LPP: variants seen among roughly 807,000 people sequenced by gnomAD.
The protein encoded by LPP is lipoma-preferred partner.
In LPP, 38 loss-of-function variants were observed where a neutral mutation model predicts 60.4. The ratio of observed to expected loss-of-function variants is 0.63; its 90% confidence interval spans 0.49 to 0.83. The LOEUF (loss-of-function observed/expected upper bound fraction) is 0.83. Among genes scored for constraint, LPP ranks in the 40% least tolerant of loss-of-function variants. The pLI is 0.00. For missense variants in LPP, 902 were observed against 783.6 expected (o/e 1.15, Z -1.80); for synonymous variants, 328 against 290.8 (o/e 1.13, Z -1.30).
Position 188,885,917 on chromosome 3 carries a change from C to A in LPP, c.*11438C>A, listed in dbSNP as rs1183271566. On this transcript the variant is annotated 3_prime_UTR_variant, in exon 12 of 12. Transcript: ENST00000617246. ...ATGGTGAGCATTTTTTCATGTGTTT[C>A]TTGGCTGCATAAATGTCTTCTTTTG... 6.6e-6 allele frequency: 1 copy of A among 152,058 alleles called. No homozygotes were observed. The highest frequency in any genetic ancestry group is 2.1e-4 in the South Asian group (1 of 4,822). 9.4% of individuals were successfully genotyped at this position (152,058 alleles called of 1,614,324 possible).
At chr3:188,756,404 T>C (rs1308365208) in intron 8 of LPP, among the ~76,000 whole-genome samples, 1 of 152,178 alleles carries the variant, frequency 6.6e-6, no homozygotes, top group Admixed American at 6.5e-5. Context: ...GCTAATCAGC[T>C]GTGTTTCCTT....
chr3:188,434,557 A>G (rs941427732), intron 4 of LPP, among the ~76,000 whole-genome samples: 7 of 152,346 alleles, frequency 4.6e-5, no homozygotes, highest in South Asian at 2.1e-4. Flanking sequence ...GATGTTCAGA[A>G]TAACAGCTAT....
chr3:188,483,530 A>G (rs536096196), intron 4 of LPP, among the ~76,000 whole-genome samples: 14 of 152,344 alleles, frequency 9.2e-5, no homozygotes, highest in African/African-American at 3.1e-4. Context: ...ACAAATAAAG[A>G]ACAGGTTAAA....
At chr3:188,578,239 T>A (rs1835223407) in intron 6 of LPP, among the ~76,000 whole-genome samples, 1 of 152,150 alleles carries the variant, frequency 6.6e-6, no homozygotes, top group African/African-American at 2.4e-5. Context: ...CCTTCCTTCC[T>A]TTCATTCCCT....
intron 8 of LPP, among the ~76,000 whole-genome samples, chr3:188,725,677 A>G (rs144604754): frequency 1.4e-3 from 206 of 152,322 alleles, no homozygotes; most frequent in African/African-American, 4.8e-3. Flanking sequence ...ATGCCAGACA[A>G]TTGTTCCAAG....
In LPP at chr3:188,663,831, G is replaced by A. The variant is rs147813423; in HGVS notation, c.1114-44436G>A. On this transcript the variant is annotated intron_variant, in intron 7 of 11. Coordinates refer to ENST00000617246, the MANE Select transcript of LPP (RefSeq NM_001375462.1). ...TATCGGCATTAGAGTCTCATAAGGG[G>A]CATGCAAACTAGGTCCCTTACATGC... Among the ~76,000 whole-genome samples the A allele has an allele frequency of 4.6e-3, 693 of 152,202 alleles. 4 individuals are homozygous for A. The highest frequency in any genetic ancestry group is 0.016 in the African/African-American group (665 of 41,520).
At position 188,213,849 on chromosome 3, in the gene LPP, G is replaced by A. The variant is rs73887387; in HGVS notation, c.-189-11556G>A. 9.2e-3 allele frequency among the ~76,000 whole-genome samples: 1,393 copies of A among 152,060 alleles called. 23 individuals carry two copies. Among genetic ancestry groups the A allele is most frequent in the African/African-American group, 0.032 (1,327 of 41,466 alleles). The stretch of plus-strand genomic sequence containing the variant: ...GTGAAAATTATGCAATTTTCCCTGA[G>A]AGAAATTCAGCAAGGCTTCCCATCT... On this transcript the variant is annotated intron_variant, in intron 1 of 11. Transcript: ENST00000617246.
intron 2 of LPP, among the ~76,000 whole-genome samples, chr3:188,329,496 A>C (rs893808001): frequency 3.9e-5 from 6 of 152,186 alleles, no homozygotes; most frequent in Non-Finnish European, 5.9e-5. Context: ...ATCAAAAAAC[A>C]TGAAACCCAA....
intron 1 of LPP, among the ~76,000 whole-genome samples, chr3:188,156,343 A>T (rs1385693793): frequency 6.6e-6 from 1 of 152,190 alleles, no homozygotes; most frequent in Non-Finnish European, 1.5e-5. Flanking sequence ...TGGTGAAGAC[A>T]GTTCCAGGAA....
chr3:188,167,482 C>T (rs766646225), intron 1 of LPP, among the ~76,000 whole-genome samples: 43 of 149,796 alleles, frequency 2.9e-4, no homozygotes, highest in African/African-American at 7.6e-4. Context: ...GCCTGGGCAA[C>T]GGAGCAAGAC....
chr3:188,780,963 G>T (rs1284944631), intron 9 of LPP, among the ~76,000 whole-genome samples: 6 of 152,194 alleles, frequency 3.9e-5, no homozygotes, highest in African/African-American at 1.4e-4. Context: ...TCCTCATCAA[G>T]TTGTACTTAG....
At chr3:188,378,362 A>G (rs2090915) in intron 3 of LPP, among the ~76,000 whole-genome samples, 132,673 of 152,186 alleles carry the variant, frequency 0.87, 59,486 homozygotes, top group Non-Finnish European at 0.97. Context: ...CACCGAGTTC[A>G]AGCTTCCTGG....
intron 6 of LPP, among the ~76,000 whole-genome samples, chr3:188,581,244 C>A (rs1836014124): frequency 6.6e-6 from 1 of 151,826 alleles, no homozygotes; most frequent in Non-Finnish European, 1.5e-5. Context: ...ATGAGAATGC[C>A]AGCATTGTCG....
intron 1 of LPP, among the ~76,000 whole-genome samples, chr3:188,209,947 G>T (rs1734255119): frequency 6.6e-6 from 1 of 152,096 alleles, no homozygotes; most frequent in Admixed American, 6.6e-5. Context: ...GTGTGATGTG[G>T]TCAGGAGAAC....
chr3:188,369,834 C>T (rs1467461061), intron 3 of LPP, among the ~76,000 whole-genome samples: 1 of 152,156 alleles, frequency 6.6e-6, no homozygotes, highest in African/African-American at 2.4e-5. Flanking sequence ...GTAAAAGAAT[C>T]ACAGACTCAG....
chr3:188,418,878 C>T (rs1040528819), intron 4 of LPP, among the ~76,000 whole-genome samples: 2 of 152,070 alleles, frequency 1.3e-5, no homozygotes, highest in Admixed American at 6.6e-5. Flanking sequence ...TTTCAGATAT[C>T]AGGGGTAGTT....
chr3:188,209,381 G>A (rs975747862), intron 1 of LPP, among the ~76,000 whole-genome samples: 2 of 152,178 alleles, frequency 1.3e-5, no homozygotes, highest in East Asian at 1.9e-4. Context: ...CCTTGACGGC[G>A]AACAGTGCCA....
chr3:188,554,077 T>C (rs1313887407), intron 6 of LPP: 4 of 152,178 alleles, frequency 2.6e-5, no homozygotes, highest in African/African-American at 9.7e-5. Context: ...TGAGACTGTA[T>C]ATCAAGAATC....
At chr3:188,498,286 A>C (rs1280112344) in intron 5 of LPP, among the ~76,000 whole-genome samples, 2 of 152,112 alleles carry the variant, frequency 1.3e-5, no homozygotes, top group Admixed American at 1.3e-4. Context: ...TGTCACCAGT[A>C]TCCATCTTCA....
Sources: allele counts gnomAD v4.1 joint callset (sites outside exome capture counted in the v4.1 genomes callset), GRCh38; gene constraint gnomAD v4.1.1; transcripts MANE v1.5; gene names NCBI Gene and HGNC (gene_info 2026-07-23, HGNC 2026-07-21).